Variants in SPIRE1 observed in about 807,000 individuals in gnomAD.
The protein encoded by SPIRE1 is spire type actin nucleation factor 1, also known as protein spire homolog 1.
In SPIRE1, 40 loss-of-function variants were observed where a neutral mutation model predicts 94.1. That is an observed-to-expected ratio of 0.43 (90% CI 0.33 to 0.55). The LOEUF is 0.55. Among genes scored for constraint, SPIRE1 ranks in the 20% least tolerant of loss-of-function variants. The probability of loss-of-function intolerance (pLI) is 0.06; values close to 1 mark genes in which losing one functional copy is unlikely to be tolerated. For synonymous variants in SPIRE1, 376 were observed against 371.7 expected (o/e 1.01, Z -0.13); for missense variants, 838 against 975.2 (o/e 0.86, Z 1.87).
chr18:12,556,329 C>T (rs1489375087), intron 2 of SPIRE1, among the ~76,000 whole-genome samples: 2 of 151,938 alleles, frequency 1.3e-5, no homozygotes, highest in Non-Finnish European at 2.9e-5. Flanking sequence ...TATATGGAAC[C>T]ACAAAAGATC....
At chr18:12,587,550 T>A (rs943273618) in intron 2 of SPIRE1, among the ~76,000 whole-genome samples, 4 of 151,130 alleles carry the variant, frequency 2.6e-5, no homozygotes, top group African/African-American at 9.7e-5. Context: ...ACAAAACAGC[T>A]GATTCATCAA....
chr18:12,484,940 T>C (rs1453018458), intron 9 of SPIRE1, among the ~76,000 whole-genome samples: 2 of 152,002 alleles, frequency 1.3e-5, no homozygotes, highest in African/African-American at 4.8e-5. Flanking sequence ...TTCACTCATA[T>C]ATATTTAAAG....
chr18:12,516,463 G>T (rs2034197930), intron 4 of SPIRE1, among the ~76,000 whole-genome samples: 1 of 152,150 alleles, frequency 6.6e-6, no homozygotes, highest in Non-Finnish European at 1.5e-5. Context: ...TCCTGGAAAG[G>T]GTTGGAGAGG....
At chr18:12,594,786 G>A (rs548452175) in intron 2 of SPIRE1, among the ~76,000 whole-genome samples, 2 of 152,166 alleles carry the variant, frequency 1.3e-5, no homozygotes, top group South Asian at 4.2e-4. Flanking sequence ...TGTTTTGCCT[G>A]TCTCTCTTGC....
rs145693257 is a variant in SPIRE1 at position 12,589,416 on chromosome 18, C to T, written c.373-42512G>A. ...GTACTAAGGAAGGAGGTCTGAAGGC[C>T]GCCCACTCTGCCAGGGTGTCCGGTG... On this transcript the variant is annotated intron_variant, in intron 2 of 16. Transcript: ENST00000409402. 4.0e-4 allele frequency among the ~76,000 whole-genome samples: 61 copies of T among 152,232 alleles called. 1 individual carries two copies. In the East Asian group the frequency reaches 9.7e-3, roughly 24 times the overall value.
At chr18:12,579,880 G>C (rs2036210386) in intron 2 of SPIRE1, among the ~76,000 whole-genome samples, 1 of 152,170 alleles carries the variant, frequency 6.6e-6, no homozygotes, top group African/African-American at 2.4e-5. Context: ...TTCGAGCCCT[G>C]AGCACAGGCC....
intron 6 of SPIRE1, among the ~76,000 whole-genome samples, chr18:12,501,786 A>T (rs997925440): frequency 3.9e-5 from 6 of 152,116 alleles, no homozygotes; most frequent in African/African-American, 1.4e-4. Context: ...CATAGCAAGA[A>T]CCTGCCTCTA....
chr18:12,597,507 A>G (rs887599208), intron 2 of SPIRE1, among the ~76,000 whole-genome samples: 4 of 152,174 alleles, frequency 2.6e-5, no homozygotes, highest in Non-Finnish European at 5.9e-5. Context: ...ACTGTATTTG[A>G]ACTATATCTC....
chr18:12,578,841 T>C (rs28412561), intron 2 of SPIRE1, among the ~76,000 whole-genome samples: 84 of 152,002 alleles, frequency 5.5e-4, no homozygotes, highest in African/African-American at 1.8e-3. Context: ...ATATGTGGAG[T>C]TCTGCTTATG....
intron 2 of SPIRE1, among the ~76,000 whole-genome samples, chr18:12,617,355 C>T (rs933597359): frequency 6.6e-6 from 1 of 151,902 alleles, no homozygotes; most frequent in Non-Finnish European, 1.5e-5. Flanking sequence ...GCTGGGATTA[C>T]ACGCACCAAC....
chr18:12,503,057 C>T (rs1388980388), intron 6 of SPIRE1, among the ~76,000 whole-genome samples: 1 of 150,076 alleles, frequency 6.7e-6, no homozygotes, highest in Admixed American at 6.7e-5. Flanking sequence ...TGCAGTGGGC[C>T]GAGATTACGC....
At chr18:12,631,921 T>C (rs2037791818) in intron 2 of SPIRE1, among the ~76,000 whole-genome samples, 1 of 152,006 alleles carries the variant, frequency 6.6e-6, no homozygotes, top group Non-Finnish European at 1.5e-5. Context: ...GACATGCACC[T>C]GTAGTCCCAG....
chr18:12,614,827 A>G (rs965273088), intron 2 of SPIRE1, among the ~76,000 whole-genome samples: 7 of 152,072 alleles, frequency 4.6e-5, no homozygotes, highest in Admixed American at 4.6e-4. Context: ...TTAGAAAAAA[A>G]GAAAAAAAGA....
intron 2 of SPIRE1, among the ~76,000 whole-genome samples, chr18:12,606,652 T>C (rs1167530915): frequency 2.6e-5 from 4 of 151,856 alleles, no homozygotes; most frequent in African/African-American, 9.7e-5. Context: ...TGCCTCAGCC[T>C]CCCGAGTAGC....
At position 12,586,647 on chromosome 18, in the gene SPIRE1, C is replaced by CT. The variant is rs542205309; in HGVS notation, c.373-39744dup. On this transcript the variant is annotated intron_variant, in intron 2 of 16. Transcript: ENST00000409402. ...GTTTATTAGGCTTACTTCTATATAG[C>CT]TTTTTTATGGATGTGTATGCTTATA... Among the ~76,000 whole-genome samples, 9 of 152,216 alleles carry CT rather than the reference C, an allele frequency of 5.9e-5. No individual in the cohort carries two copies. In the South Asian group the frequency reaches 1.9e-3, roughly 32 times the overall value.
Position 12,447,761 on chromosome 18 carries a change from T to A in SPIRE1, c.*1877A>T, listed in dbSNP as rs1433308108. Reference sequence around the variant, plus strand: ...CTTATTTTGGGGGTGTAGTTTCTTATGTTTTAATAAAAACAGTAGTCATTA... The same window carrying A: ...CTTATTTTGGGGGTGTAGTTTCTTAAGTTTTAATAAAAACAGTAGTCATTA... On this transcript the variant is annotated 3_prime_UTR_variant, in exon 17 of 17. Coordinates refer to ENST00000409402, the MANE Select transcript of SPIRE1 (RefSeq NM_001128626.2). 1 of 152,366 alleles carries A rather than the reference T, an allele frequency of 6.6e-6. No individual in the cohort carries two copies. Among genetic ancestry groups the A allele is most frequent in the East Asian group, 1.9e-4 (1 of 5,186 alleles). 9.4% of individuals were successfully genotyped at this position (152,366 alleles called of 1,614,324 possible).
intron 2 of SPIRE1, among the ~76,000 whole-genome samples, chr18:12,634,408 G>A (rs2037866552): frequency 6.6e-6 from 1 of 151,462 alleles, no homozygotes; most frequent in African/African-American, 2.4e-5. Flanking sequence ...ACATTTAAAT[G>A]CTGTATTTAT....
At chr18:12,554,313 A>G (rs1217996827) in intron 2 of SPIRE1, among the ~76,000 whole-genome samples, 6 of 151,692 alleles carry the variant, frequency 4.0e-5, no homozygotes, top group Non-Finnish European at 7.4e-5. Context: ...AAAAAAAAAA[A>G]AAAGAACTGA....
chr18:12,650,839 T>A (rs1448986447), intron 1 of SPIRE1, among the ~76,000 whole-genome samples: 2 of 142,954 alleles, frequency 1.4e-5, no homozygotes, highest in East Asian at 4.1e-4. Context: ...ATCAAACCAC[T>A]GCACTACAGC....
Sources: gnomAD v4.1 joint callset for allele counts (sites outside exome capture counted in the v4.1 genomes callset) on GRCh38, gnomAD v4.1.1 for gene constraint, MANE v1.5 for transcripts, NCBI Gene and HGNC (gene_info 2026-07-23, HGNC 2026-07-21) for gene names.